Variants in QRSL1 observed in about 807,000 individuals in gnomAD.
The protein encoded by QRSL1 is glutaminyl-tRNA amidotransferase subunit QRSL1, also known as glutamyl-tRNA(Gln) amidotransferase subunit A, mitochondrial.
Under a neutral mutation model 61.6 loss-of-function variants are expected in QRSL1, and 54 were observed. The observed-to-expected ratio is 0.88, with a 90% CI of 0.70 to 1.10. The LOEUF (loss-of-function observed/expected upper bound fraction) is 1.10, where lower values mean the gene tolerates loss of function less well. QRSL1 is among the 50% of genes least tolerant of loss of function. The pLI, the probability that QRSL1 is intolerant of heterozygous loss-of-function variation, is 0.00. For missense variants in QRSL1, 505 were observed against 622.6 expected, an observed-to-expected ratio of 0.81 and a Z score of 2.01; for synonymous variants, 228 against 225.7, an observed-to-expected ratio of 1.01 and a Z score of -0.09.
chr6:106,649,425 AT>A lies in QRSL1; in HGVS notation c.557+225del, dbSNP rs1777162698. ...AAAATAACAAATTTTTCTCCATAGT[AT>A]CTGGTTCTCTTAAAATATGATTTTG... On this transcript the variant is annotated intron_variant, in intron 5 of 10. Transcript: ENST00000369046. Among the ~76,000 whole-genome samples, 3 of 152,354 alleles carry A rather than the reference AT, an allele frequency of 2.0e-5. No individual in the cohort carries two copies. In the East Asian group the frequency reaches 5.8e-4, roughly 29 times the overall value.
chr6:106,662,186 G>A (rs1051681359), intron 9 of QRSL1, among the ~76,000 whole-genome samples: 5 of 152,128 alleles, frequency 3.3e-5, no homozygotes, highest in South Asian at 2.1e-4. Flanking sequence ...ATACCTATCC[G>A]TAAAATACAA....
chr6:106,639,046 T>C (rs948431342), intron 1 of QRSL1, among the ~76,000 whole-genome samples: 7 of 152,040 alleles, frequency 4.6e-5, no homozygotes, highest in African/African-American at 1.7e-4. Flanking sequence ...TCAAGGTTTC[T>C]GAGCTTCAGT....
At chr6:106,663,582 T>G in intron 10 of QRSL1, among the ~76,000 whole-genome samples, 1 of 152,206 alleles carries the variant, frequency 6.6e-6, no homozygotes, top group East Asian at 1.9e-4. Flanking sequence ...CCAGGTCTTG[T>G]GATAACTCAC....
chr6:106,645,492 G>A (rs1261943578), intron 4 of QRSL1, among the ~76,000 whole-genome samples: 5 of 151,368 alleles, frequency 3.3e-5, no homozygotes, highest in African/African-American at 2.4e-5. Context: ...GTGCAATCTC[G>A]GCTCACTGCA....
chr6:106,664,606 C>T (rs966700922), intron 10 of QRSL1, among the ~76,000 whole-genome samples: 2 of 152,176 alleles, frequency 1.3e-5, no homozygotes, highest in Non-Finnish European at 2.9e-5. Flanking sequence ...TCCACTTGTG[C>T]TGTAAGATGT....
intron 9 of QRSL1, among the ~76,000 whole-genome samples, chr6:106,659,548 A>G (rs193190939): frequency 1.5e-4 from 22 of 150,306 alleles, no homozygotes; most frequent in African/African-American, 5.1e-4. Flanking sequence ...ATCTGTGTGT[A>G]TTAATGCTTT....
chr6:106,644,274 G>A (rs1298829404), intron 4 of QRSL1, among the ~76,000 whole-genome samples: 1 of 152,072 alleles, frequency 6.6e-6, no homozygotes, highest in Non-Finnish European at 1.5e-5. Context: ...TGTGCTCCCA[G>A]CTTGGTCCAG....
chr6:106,642,570 T>G, intron 3 of QRSL1: 1 of 737,168 alleles, frequency 1.4e-6, no homozygotes, highest in Non-Finnish European at 2.5e-6. Context: ...AAAGGTGATG[T>G]GGACATCAAG....
At chr6:106,659,706 G>T (rs1327608426) in intron 9 of QRSL1, among the ~76,000 whole-genome samples, 1 of 152,160 alleles carries the variant, frequency 6.6e-6, no homozygotes, top group African/African-American at 2.4e-5. Flanking sequence ...CTTGGAATTT[G>T]TTGGCTCTTT....
intron 1 of QRSL1, 25 bp from the exon 2 acceptor site, chr6:106,640,324 G>T: frequency 1.3e-6 from 2 of 1,538,392 alleles, no homozygotes; most frequent in Non-Finnish European, 8.8e-7. Context: ...CTCAGTAAAA[G>T]GTTTTTGAAT....
At chr6:106,633,794 C>T (rs543485061) in intron 1 of QRSL1, among the ~76,000 whole-genome samples, 5 of 152,088 alleles carry the variant, frequency 3.3e-5, no homozygotes, top group Non-Finnish European at 5.9e-5. Flanking sequence ...ATAGGGAAAT[C>T]GATTCTAAAT....
Position 106,662,987 on chromosome 6 carries a change from GAA to G in QRSL1, c.1171_1172del (p.Asn391LeufsTer14), listed in dbSNP as rs771888160. On this transcript the variant is annotated frameshift_variant, in exon 10 of 11. Transcript: ENST00000369046. LOFTEE classifies it high-confidence loss of function. The stretch of plus-strand genomic sequence containing the variant: ...CCTACTTTTTTCCCACAGAAACTAT[GAA>G]AATTATTTTGTCAAAGCACAGAAAG... The part of the protein sequence containing the change: ...GNFFLLKENY[E>X]NYFVKAQKVR... 6.2e-7 allele frequency: 1 copy of G among 1,606,678 alleles called. No homozygotes were observed. The highest frequency in any genetic ancestry group is 2.2e-5 in the East Asian group (1 of 44,858).
rs1226624395 is a variant in QRSL1, at chr6:106,657,323, A to T, written c.1160+1591A>T. On this transcript the variant is annotated intron_variant, in intron 9 of 10. Transcript: ENST00000369046. ...TGTTCCAGATTAAAAGACTGTTACC[A>T]TATTGACCAGATGCTTGTAATGACT... is the stretch of plus-strand genomic sequence containing the variant. Among the ~76,000 whole-genome samples, 3 of 152,132 alleles carry T rather than the reference A, an allele frequency of 2.0e-5. No individual in the cohort carries two copies. The East Asian group carries it at 5.8e-4, about 29-fold the overall frequency.
chr6:106,656,734 G>A (rs890892356), intron 9 of QRSL1, among the ~76,000 whole-genome samples: 6 of 152,176 alleles, frequency 3.9e-5, no homozygotes, highest in African/African-American at 4.8e-5. Flanking sequence ...GCAGCTCACC[G>A]CAGCCTTGAC....
chr6:106,631,319 T>G (rs1216275636), intron 1 of QRSL1, among the ~76,000 whole-genome samples: 7 of 152,236 alleles, frequency 4.6e-5, no homozygotes, highest in Non-Finnish European at 1.0e-4. Context: ...TGTTATTTCC[T>G]TTTTCTGCCT....
intron 1 of QRSL1, among the ~76,000 whole-genome samples, chr6:106,636,197 T>C (rs1029756492): frequency 3.9e-5 from 6 of 151,906 alleles, no homozygotes; most frequent in African/African-American, 1.5e-4. Context: ...ATATCCGAAA[T>C]CTAAACACTT....
rs908498288 is a variant in QRSL1, at chr6:106,657,224, G to T, written c.1160+1492G>T. 2.0e-5 allele frequency among the ~76,000 whole-genome samples: 3 copies of T among 151,774 alleles called. No homozygotes were observed. The East Asian group carries it at 5.8e-4, about 30-fold the overall frequency. On this transcript the variant is annotated intron_variant, in intron 9 of 10. Transcript: ENST00000369046. Reference sequence around the variant, plus strand: ...GCAGAGGTTGCAGTGAGCCAAGATCGTGCCACTGCACTCTAGCCTGGGCAA... The same window carrying T: ...GCAGAGGTTGCAGTGAGCCAAGATCTTGCCACTGCACTCTAGCCTGGGCAA...
intron 3 of QRSL1, chr6:106,642,639 A>T: frequency 1.3e-6 from 1 of 781,880 alleles, no homozygotes. Flanking sequence ...AAAACTGGAG[A>T]GTACACAGTG....
chr6:106,654,691 A>G lies in QRSL1; in HGVS notation c.850-39A>G, dbSNP rs1419285037. The G allele has an allele frequency of 3.3e-6, 5 of 1,533,916 alleles. No homozygotes were observed. The South Asian group carries it at 3.5e-5, about 11-fold the overall frequency. ...AGTACAAATTTTTATAAAATAATCT[A>G]TACAGTTCCAATTTTGTATCTTGAC... is the stretch of plus-strand genomic sequence containing the variant. On this transcript the variant is annotated intron_variant, in intron 7 of 10. Coordinates refer to ENST00000369046, the MANE Select transcript of QRSL1 (RefSeq NM_018292.5).
Sources: allele counts gnomAD v4.1 joint callset (sites outside exome capture counted in the v4.1 genomes callset), GRCh38; gene constraint gnomAD v4.1.1; transcripts MANE v1.5; gene names NCBI Gene and HGNC (gene_info 2026-07-23, HGNC 2026-07-21).